Variants in TTC7B observed in about 807,000 individuals in gnomAD.
The protein encoded by TTC7B is tetratricopeptide repeat domain 7B.
Under a neutral mutation model 106.8 loss-of-function variants are expected in TTC7B, and 28 were observed. The observed-to-expected ratio is 0.26, with a 90% CI of 0.19 to 0.36. TTC7B has a LOEUF of 0.36. TTC7B is among the 10% of genes least tolerant of loss of function. TTC7B has a pLI of 1.00. For missense variants in TTC7B, 862 were observed against 1,076.4 expected, an observed-to-expected ratio of 0.80 and a Z score of 2.79; for synonymous variants, 405 against 430.6, an observed-to-expected ratio of 0.94 and a Z score of 0.74.
At chr14:90,795,240 GT>G (rs1458912649) in intron 1 of TTC7B, among the ~76,000 whole-genome samples, 1 of 152,032 alleles carries the variant, frequency 6.6e-6, no homozygotes, top group Non-Finnish European at 1.5e-5. Flanking sequence ...AAAAAAAAAT[GT>G]TTTCAAGACA....
intron 11 of TTC7B, 71 bp from the exon 12 acceptor site, chr14:90,655,181 G>T: frequency 8.5e-7 from 1 of 1,183,348 alleles, no homozygotes; most frequent in Non-Finnish European, 1.3e-6. Flanking sequence ...ATAAGCGTCT[G>T]CTGCCAAAAT....
chr14:90,618,306 T>C (rs1054791344), intron 15 of TTC7B, among the ~76,000 whole-genome samples: 9 of 152,270 alleles, frequency 5.9e-5, no homozygotes, highest in African/African-American at 2.2e-4. Flanking sequence ...TGGCCAATTT[T>C]ATTCAGAACA....
At position 90,535,721 on chromosome 14, in the gene TTC7B, G is replaced by T. The variant is rs560314611; in HGVS notation, c.*5647C>A. 6.6e-6 allele frequency: 1 copy of T among 152,382 alleles called. No individual in the cohort carries two copies. Among genetic ancestry groups the T allele is most frequent in the Non-Finnish European group, 1.5e-5 (1 of 68,090 alleles). 9.4% of individuals were successfully genotyped at this position (152,382 alleles called of 1,614,324 possible). On this transcript the variant is annotated 3_prime_UTR_variant, in exon 20 of 20. Coordinates refer to ENST00000328459, the MANE Select transcript of TTC7B (RefSeq NM_001010854.2). Reference sequence around the variant, plus strand: ...CTTGACCCCACCTTAGTCAGCTTGGGCTGCCGTAAGAAAACCGCCACAGAC... The same window carrying T: ...CTTGACCCCACCTTAGTCAGCTTGGTCTGCCGTAAGAAAACCGCCACAGAC...
chr14:90,695,373 G>T (rs1200394127), intron 6 of TTC7B, 127 bp downstream of exon 6: 8 of 385,916 alleles, frequency 2.1e-5, no homozygotes, highest in Non-Finnish European at 3.2e-5. Context: ...ATGCATATAT[G>T]TCACATATAT....
rs1249453751 is a variant in TTC7B at position 90,577,109 on chromosome 14, G to A, written c.2310+997C>T. On this transcript the variant is annotated intron_variant, in intron 19 of 19. Transcript: ENST00000328459. This position sits in a 1 kb window ranked among gnomAD's most constrained non-coding sequence, Gnocchi z 5.0. ...ATGGGTGCTAAGCCTCCACGGGTGCGGACACGAAGGGCCCTGAGCTTTATA... is the reference window on the plus strand; with the variant it reads ...ATGGGTGCTAAGCCTCCACGGGTGCAGACACGAAGGGCCCTGAGCTTTATA... 6.6e-6 allele frequency among the ~76,000 whole-genome samples: 1 copy of A among 152,250 alleles called. No individual in the cohort carries two copies. The highest frequency in any genetic ancestry group is 1.9e-4 in the East Asian group (1 of 5,178).
At chr14:90,782,027 C>T (rs1424316687) in intron 2 of TTC7B, among the ~76,000 whole-genome samples, 1 of 152,202 alleles carries the variant, frequency 6.6e-6, no homozygotes, top group African/African-American at 2.4e-5. Context: ...ACCATGAAAC[C>T]GCACTATTTA....
At chr14:90,639,535 G>T (rs1174173707) in intron 15 of TTC7B, among the ~76,000 whole-genome samples, 1 of 152,232 alleles carries the variant, frequency 6.6e-6, no homozygotes, top group Non-Finnish European at 1.5e-5. Context: ...AAGTCGGGCA[G>T]CACCAAGTAT....
intron 3 of TTC7B, among the ~76,000 whole-genome samples, chr14:90,774,914 G>A (rs1890977830): frequency 6.6e-6 from 1 of 152,062 alleles, no homozygotes; most frequent in African/African-American, 2.4e-5. Context: ...GTGGTTGCAC[G>A]CACCTGTAAT....
At chr14:90,801,433 G>A (rs1354616421) in intron 1 of TTC7B, among the ~76,000 whole-genome samples, 2 of 152,056 alleles carry the variant, frequency 1.3e-5, no homozygotes, top group African/African-American at 4.8e-5. Flanking sequence ...GCAAATGAGC[G>A]ATAATTTGTT....
intron 5 of TTC7B, among the ~76,000 whole-genome samples, chr14:90,727,816 T>C (rs1043816932): frequency 2.0e-5 from 3 of 152,198 alleles, no homozygotes; most frequent in African/African-American, 7.2e-5. Context: ...TTATATCCTT[T>C]CAGATACACA....
intron 1 of TTC7B, among the ~76,000 whole-genome samples, chr14:90,803,853 GAT>G (rs1444755745): frequency 6.6e-6 from 1 of 152,080 alleles, no homozygotes; most frequent in African/African-American, 2.4e-5. Context: ...AGAGAAGCCT[GAT>G]ACAAGAAAAG....
intron 7 of TTC7B, among the ~76,000 whole-genome samples, chr14:90,681,393 T>C (rs951031630): frequency 3.3e-5 from 5 of 152,064 alleles, no homozygotes; most frequent in Admixed American, 3.3e-4. Flanking sequence ...CCTAGATATC[T>C]TGAAGATGAC....
intron 15 of TTC7B, among the ~76,000 whole-genome samples, chr14:90,641,920 CTT>C (rs1491279170): frequency 7.1e-6 from 1 of 140,612 alleles, no homozygotes; most frequent in Admixed American, 7.0e-5. Flanking sequence ...AATGAAAGAG[CTT>C]GTGTGTGTGT....
intron 6 of TTC7B, among the ~76,000 whole-genome samples, chr14:90,690,430 T>C: frequency 6.6e-6 from 1 of 152,210 alleles, no homozygotes; most frequent in East Asian, 1.9e-4. Context: ...TAGATGCAGA[T>C]TAATATGCTT....
At chr14:90,771,132 T>C (rs1478876923) in intron 3 of TTC7B, among the ~76,000 whole-genome samples, 1 of 152,068 alleles carries the variant, frequency 6.6e-6, no homozygotes, top group Non-Finnish European at 1.5e-5. Flanking sequence ...TGCACAGCAA[T>C]GTGAAGAATA....
chr14:90,699,954 C>G (rs1057430847), intron 5 of TTC7B, among the ~76,000 whole-genome samples: 5 of 152,214 alleles, frequency 3.3e-5, no homozygotes, highest in African/African-American at 1.2e-4. Context: ...TGAAACGGAG[C>G]CTGGCATACA....
intron 18 of TTC7B, among the ~76,000 whole-genome samples, chr14:90,584,692 C>T (rs1049331331): frequency 2.6e-5 from 4 of 151,858 alleles, no homozygotes; most frequent in African/African-American, 9.7e-5. Flanking sequence ...ACGGAAAGGA[C>T]GCATGGCAGT....
At chr14:90,741,434 G>A (rs1322857664) in intron 4 of TTC7B, among the ~76,000 whole-genome samples, 1 of 152,194 alleles carries the variant, frequency 6.6e-6, no homozygotes, top group Non-Finnish European at 1.5e-5. Context: ...GCGAGCAGAA[G>A]TTTCTTCACT....
At chr14:90,691,409 A>G (rs372273552) in intron 6 of TTC7B, among the ~76,000 whole-genome samples, 4 of 152,176 alleles carry the variant, frequency 2.6e-5, no homozygotes, top group African/African-American at 9.7e-5. Flanking sequence ...TTCTCTACCT[A>G]TTAAGAAGGC....
Sources: allele counts gnomAD v4.1 joint callset (sites outside exome capture counted in the v4.1 genomes callset), GRCh38; gene constraint gnomAD v4.1.1; non-coding constraint Gnocchi (gnomAD v3.1); transcripts MANE v1.5; gene names NCBI Gene and HGNC (gene_info 2026-07-23, HGNC 2026-07-21).